Variants in SLC16A7 observed in about 807,000 individuals in gnomAD.
The protein encoded by SLC16A7 is solute carrier family 16 member 7, also known as monocarboxylate transporter 2.
SLC16A7 carries 33 observed loss-of-function variants against 34.9 expected under a neutral mutation model. The ratio of observed to expected loss-of-function variants is 0.94; its 90% CI spans 0.72 to 1.26. The LOEUF (loss-of-function observed/expected upper bound fraction) is 1.26, where lower values mean the gene tolerates loss of function less well. SLC16A7 is among the 50% of genes most tolerant of loss of function. The pLI, the probability that SLC16A7 is intolerant of heterozygous loss-of-function variation, is 0.00. For synonymous variants in SLC16A7, 201 were observed against 206.6 expected, an observed-to-expected ratio of 0.97 and a Z score of 0.23; for missense variants, 573 against 578.1, an observed-to-expected ratio of 0.99 and a Z score of 0.09.
At position 59,785,131 on chromosome 12, in the gene SLC16A7, A is replaced by C. The variant is rs2137508062; in HGVS notation, c.*5452A>C. 6.6e-6 allele frequency: 1 copy of C among 152,322 alleles called. No homozygotes were observed. The highest frequency in any genetic ancestry group is 3.4e-3 in the Middle Eastern group (1 of 294). The allele number at this position is 152,322 out of a possible 1,614,324, so 9.4% of individuals were successfully genotyped here. ...AAAGCTGAAAGGCCCAATTATCAGTAATTATAATGCTTGCATGATCAAAAT... is the reference window on the plus strand; with the variant it reads ...AAAGCTGAAAGGCCCAATTATCAGTCATTATAATGCTTGCATGATCAAAAT... On this transcript the variant is annotated 3_prime_UTR_variant, in exon 6 of 6. Coordinates refer to ENST00000547379, the MANE Select transcript of SLC16A7 (RefSeq NM_001270623.2).
chr12:59,672,784 T>C (rs1009055024), intron 2 of SLC16A7, among the ~76,000 whole-genome samples: 1 of 152,152 alleles, frequency 6.6e-6, no homozygotes, highest in African/African-American at 2.4e-5. Flanking sequence ...ATCACAGTTC[T>C]GTATTACCTA....
chr12:59,603,247 T>A lies in SLC16A7; in HGVS notation c.-130+7011T>A, dbSNP rs139045757. ...TCACCCTACCAGTTAATTCTGTACA[T>A]GGTATCAGATACTCTCATGGAAGCA... On this transcript the variant is annotated intron_variant, in intron 1 of 5. Transcript: ENST00000547379. 9.0e-4 allele frequency among the ~76,000 whole-genome samples: 137 copies of A among 152,324 alleles called. 1 individual carries two copies. The highest frequency in any genetic ancestry group is 3.2e-3 in the African/African-American group (134 of 41,578).
chr12:59,650,718 TG>T (rs1235127295), intron 1 of SLC16A7, among the ~76,000 whole-genome samples: 1 of 152,060 alleles, frequency 6.6e-6, no homozygotes, highest in Non-Finnish European at 1.5e-5. Flanking sequence ...TGCTCAGGCG[TG>T]GGTTGGGAGG....
intron 3 of SLC16A7, among the ~76,000 whole-genome samples, chr12:59,761,678 C>T (rs970305028): frequency 7.9e-5 from 12 of 152,052 alleles, no homozygotes; most frequent in Non-Finnish European, 1.5e-5. Flanking sequence ...GTAGCTATTT[C>T]ATGTGAACTA....
chr12:59,706,554 A>G (rs1873604051), intron 3 of SLC16A7, among the ~76,000 whole-genome samples: 2 of 152,152 alleles, frequency 1.3e-5, no homozygotes, highest in Non-Finnish European at 2.9e-5. Context: ...GGAAAATTCT[A>G]CTTCTAACAC....
intron 3 of SLC16A7, among the ~76,000 whole-genome samples, chr12:59,749,293 TACA>T (rs1468447874): frequency 4.6e-5 from 7 of 152,196 alleles, no homozygotes; most frequent in Admixed American, 4.6e-4. Flanking sequence ...CTTTTTGCTG[TACA>T]ACAAGAAGGC....
At chr12:59,636,554 A>G (rs1340487635) in intron 1 of SLC16A7, among the ~76,000 whole-genome samples, 2 of 152,054 alleles carry the variant, frequency 1.3e-5, no homozygotes, top group African/African-American at 2.4e-5. Context: ...AACCTTGACT[A>G]TTCAGGCTCA....
chr12:59,601,184 T>G (rs1179740386), intron 1 of SLC16A7, among the ~76,000 whole-genome samples: 1 of 152,190 alleles, frequency 6.6e-6, no homozygotes. Flanking sequence ...TTGCTGTTTC[T>G]CCACCTCATA....
chr12:59,629,923 C>T (rs1365340272), intron 1 of SLC16A7, among the ~76,000 whole-genome samples: 1 of 151,654 alleles, frequency 6.6e-6, no homozygotes, highest in African/African-American at 2.4e-5. Flanking sequence ...ATTATCTTGC[C>T]CTTTAAATTT....
chr12:59,650,134 G>A (rs921148514), intron 1 of SLC16A7, among the ~76,000 whole-genome samples: 1 of 151,410 alleles, frequency 6.6e-6, no homozygotes, highest in Non-Finnish European at 1.5e-5. Context: ...AATTTCCATT[G>A]TTAAATTTTA....
chr12:59,680,777 G>T lies in SLC16A7; in HGVS notation c.-30-23995G>T, dbSNP rs144369545. Among the ~76,000 whole-genome samples the T allele has an allele frequency of 6.7e-3, 1,021 of 152,044 alleles. 15 individuals carry two copies. The highest frequency in any genetic ancestry group is 0.021 in the African/African-American group (861 of 41,510). On this transcript the variant is annotated intron_variant, in intron 2 of 5. Coordinates refer to ENST00000547379, the MANE Select transcript of SLC16A7 (RefSeq NM_001270623.2). ...TTGATATTTGTTGAACAAATGAATA[G>T]ATGAACTGATGACTAAAAATGGAGT...
chr12:59,681,338 T>C (rs1246742439), intron 2 of SLC16A7, among the ~76,000 whole-genome samples: 2 of 152,212 alleles, frequency 1.3e-5, no homozygotes, highest in South Asian at 2.1e-4. Context: ...TTTAGCCACA[T>C]TGCAAAGCAA....
At chr12:59,696,007 T>A (rs573994349) in intron 2 of SLC16A7, among the ~76,000 whole-genome samples, 19 of 152,050 alleles carry the variant, frequency 1.2e-4, no homozygotes, top group African/African-American at 4.6e-4. Context: ...TTTTAATTTT[T>A]TATTTTCATT....
chr12:59,704,805 C>T lies in SLC16A7; in HGVS notation c.4C>T (p.Pro2Ser), dbSNP rs1347901825. M[P>S]PMPSAPPVHP... ...AATTTCCACTAGAGGAGCAGAAATGCCACCAATGCCAAGTGCCCCACCTGT... is the reference window on the plus strand; with the variant it reads ...AATTTCCACTAGAGGAGCAGAAATGTCACCAATGCCAAGTGCCCCACCTGT... The change falls in exon 3 of 6, where the codon CCA (proline) becomes TCA (serine). Residue 2 changes from proline (P) to serine (S), a missense_variant. Coordinates refer to ENST00000547379, the MANE Select transcript of SLC16A7 (RefSeq NM_001270623.2). 2 of 1,610,732 alleles carry T rather than the reference C, an allele frequency of 1.2e-6. No individual in the cohort carries two copies. The highest frequency in any genetic ancestry group is 4.5e-5 in the East Asian group (2 of 44,762).
chr12:59,632,975 A>G (rs1880249728), intron 1 of SLC16A7, among the ~76,000 whole-genome samples: 1 of 151,912 alleles, frequency 6.6e-6, no homozygotes, highest in Non-Finnish European at 1.5e-5. Flanking sequence ...AAAGTTACCA[A>G]AAGGTGAGGT....
At position 59,671,943 on chromosome 12, in the gene SLC16A7, ATGTG is replaced by A. The variant is rs1354476764; in HGVS notation, c.-31+16695_-31+16698del. Among the ~76,000 whole-genome samples the A allele has an allele frequency of 8.7e-5, 2 of 23,030 alleles. 1 individual carries two copies. Among genetic ancestry groups the A allele is most frequent in the South Asian group, 2.3e-3 (2 of 876 alleles). 15.1% of individuals were successfully genotyped at this position (23,030 alleles called of 152,430 possible). A position where few individuals can be genotyped will look rare whatever the true frequency, so the allele number is the denominator to read the frequency against. Reference sequence around the variant, plus strand: ...TATGTATATATCCATATATGTATATATGTGTATATATGTATATATGTGTATATAT... The same window carrying A: ...TATGTATATATCCATATATGTATATATATATATGTATATATGTGTATATAT... On this transcript the variant is annotated intron_variant, in intron 2 of 5. Transcript: ENST00000547379.
intron 3 of SLC16A7, chr12:59,761,051 T>A: frequency 1.7e-6 from 1 of 601,832 alleles, no homozygotes; most frequent in South Asian, 1.6e-5. Context: ...ATACTTTAAA[T>A]ATTTAAAAAA....
intron 2 of SLC16A7, among the ~76,000 whole-genome samples, chr12:59,698,596 A>G (rs1213662912): frequency 6.6e-6 from 1 of 151,822 alleles, no homozygotes; most frequent in African/African-American, 2.4e-5. Flanking sequence ...ATTTCAGTCA[A>G]TAAACCGTTT....
intron 1 of SLC16A7, among the ~76,000 whole-genome samples, chr12:59,637,363 A>G (rs1217350701): frequency 6.6e-6 from 1 of 151,998 alleles, no homozygotes; most frequent in African/African-American, 2.4e-5. Context: ...AATATTTTAA[A>G]TCTAATAATC....
Sources: gnomAD v4.1 joint callset for allele counts (sites outside exome capture counted in the v4.1 genomes callset) on GRCh38, gnomAD v4.1.1 for gene constraint, MANE v1.5 for transcripts, NCBI Gene and HGNC (gene_info 2026-07-23, HGNC 2026-07-21) for gene names.